The following FAM76B variants were observed in gnomAD, a reference collection of about 807,000 sequenced individuals.
FAM76B encodes protein FAM76B.
A neutral mutation model predicts 51.8 loss-of-function variants in FAM76B; 16 were observed. That is an observed-to-expected ratio of 0.31 (90% confidence interval 0.21 to 0.47). The LOEUF (loss-of-function observed/expected upper bound fraction) is 0.47. FAM76B is among the 20% of genes least tolerant of loss of function. FAM76B has a pLI of 1.00. For missense variants in FAM76B, 342 were observed against 392.6 expected (o/e 0.87, Z 1.09); for synonymous variants, 166 against 129.5 (o/e 1.28, Z -1.91).
chr11:95,788,503 CTT>C lies in FAM76B; in HGVS notation c.146_147del (p.Gln49ArgfsTer5). 2.5e-6 allele frequency: 4 copies of C among 1,611,750 alleles called. No individual in the cohort carries two copies. The highest frequency in any genetic ancestry group is 1.7e-4 in the Middle Eastern group (1 of 6,054). Reference sequence around the variant, plus strand: ...AAAACTATTCAGTATACAAACCTCTCTTGTTGAAATTCTGATCTGCAGTAAGT... The same window carrying C: ...AAAACTATTCAGTATACAAACCTCTCGTTGAAATTCTGATCTGCAGTAAGT... ...KCTYCRSEFQ[Q>X]ESKTNTICKK... On this transcript the variant is annotated frameshift_variant, in exon 2 of 10. Transcript: ENST00000358780. LOFTEE classifies it high-confidence loss of function.
chr11:95,781,148 A>G (rs985957681), intron 5 of FAM76B, among the ~76,000 whole-genome samples: 2 of 151,588 alleles, frequency 1.3e-5, no homozygotes, highest in Non-Finnish European at 2.9e-5. Flanking sequence ...AGCACTAACC[A>G]TATCTCAAAG....
intron 5 of FAM76B, among the ~76,000 whole-genome samples, chr11:95,781,184 T>A (rs558055487): frequency 4.3e-4 from 66 of 151,854 alleles, no homozygotes; most frequent in Non-Finnish European, 8.1e-4. Context: ...TTAATATCAC[T>A]GACAGAAACA....
chr11:95,788,474 G>A lies in FAM76B; in HGVS notation c.152+25C>T, dbSNP rs772413832. ...ATAAAGACAACACTTGTCTTTAACA[G>A]TCAAAAACTATTCAGTATACAAACC... On this transcript the variant is annotated intron_variant, in intron 2 of 9. Coordinates refer to ENST00000358780, the MANE Select transcript of FAM76B (RefSeq NM_144664.5). 4 of 1,558,004 alleles carry A rather than the reference G, an allele frequency of 2.6e-6. No individual in the cohort carries two copies. In the South Asian group the frequency reaches 3.3e-5, roughly 13 times the overall value.
intron 9 of FAM76B, among the ~76,000 whole-genome samples, chr11:95,773,434 A>T (rs1230625142): frequency 6.9e-6 from 1 of 144,170 alleles, no homozygotes; most frequent in Non-Finnish European, 1.5e-5. Flanking sequence ...TTTTATCCTA[A>T]AATTACTTCA....
At position 95,789,754 on chromosome 11, in the gene FAM76B, T is replaced by C. The variant is rs890615498; in HGVS notation, c.-276A>G. On this transcript the variant is annotated 5_prime_UTR_variant, in exon 1 of 10. Coordinates refer to ENST00000358780, the MANE Select transcript of FAM76B (RefSeq NM_144664.5). The stretch of plus-strand genomic sequence containing the variant: ...GGAGGGAGACGAAGCGGGTAGGGGG[T>C]TGCTGTTTAGCTGTGCGGCCGTGGA... The C allele has an allele frequency of 9.2e-6, 4 of 436,238 alleles. No homozygotes were observed. The highest frequency in any genetic ancestry group is 4.1e-5 in the East Asian group (1 of 24,158). The allele number at this position is 436,238 out of a possible 1,614,324, so 27.0% of individuals were successfully genotyped here.
chr11:95,785,611 T>C (rs1860528499), intron 4 of FAM76B, among the ~76,000 whole-genome samples: 1 of 152,162 alleles, frequency 6.6e-6, no homozygotes, highest in African/African-American at 2.4e-5. Flanking sequence ...TCAACTAAAA[T>C]TGATAGGCAA....
intron 4 of FAM76B, among the ~76,000 whole-genome samples, chr11:95,785,559 G>A (rs1455513034): frequency 6.6e-6 from 1 of 152,196 alleles, no homozygotes; most frequent in East Asian, 1.9e-4. Flanking sequence ...TTGCTGTGGG[G>A]AGACCTGAGG....
chr11:95,779,520 T>C, intron 7 of FAM76B, 87 bp downstream of exon 7: 3 of 1,127,690 alleles, frequency 2.7e-6, no homozygotes, highest in Non-Finnish European at 3.8e-6. Flanking sequence ...TACATGTTTC[T>C]ATTTTTTTAT....
In FAM76B at chr11:95,789,097, CAT is replaced by C. The variant is rs1860805770; in HGVS notation, c.87+293_87+294del. 62 of 1,403,790 alleles carry C rather than the reference CAT, an allele frequency of 4.4e-5. 1 individual carries two copies. The South Asian group carries it at 7.6e-4, about 17-fold the overall frequency. The allele number at this position is 1,403,790 out of a possible 1,614,324, so 87.0% of individuals were successfully genotyped here. ...CATCTCCACCCCTGGGTCTCTGCGG[CAT>C]AGACAGGTGGCTGCCTCACTCAACC... On this transcript the variant is annotated intron_variant, in intron 1 of 9. Coordinates refer to ENST00000358780, the MANE Select transcript of FAM76B (RefSeq NM_144664.5).
chr11:95,789,743 CG>C lies in FAM76B; in HGVS notation c.-266del, dbSNP rs1304516719. The C allele has an allele frequency of 2.2e-6, 1 of 460,578 alleles. No homozygotes were observed. The highest frequency in any genetic ancestry group is 2.1e-5 in the African/African-American group (1 of 47,932). 28.5% of individuals were successfully genotyped at this position (460,578 alleles called of 1,614,324 possible). A position where few individuals can be genotyped will look rare whatever the true frequency, so the allele number is the denominator to read the frequency against. ...CCGATAGCGGCGGAGGGAGACGAAG[CG>C]GGTAGGGGGTTGCTGTTTAGCTGTG... On this transcript the variant is annotated 5_prime_UTR_variant, in exon 1 of 10. Transcript: ENST00000358780.
intron 5 of FAM76B, among the ~76,000 whole-genome samples, chr11:95,780,564 CTAA>C (rs1374178888): frequency 6.6e-6 from 1 of 151,900 alleles, no homozygotes; most frequent in Non-Finnish European, 1.5e-5. Flanking sequence ...TACCCTAATA[CTAA>C]TAATCACTTT....
At chr11:95,774,379 G>C (rs867441510) in intron 9 of FAM76B, among the ~76,000 whole-genome samples, 26 of 151,360 alleles carry the variant, frequency 1.7e-4, no homozygotes, top group African/African-American at 6.3e-4. Flanking sequence ...ACCAAGAGGA[G>C]GTAGGCCTAA....
At chr11:95,773,380 A>G (rs928386925) in intron 9 of FAM76B, among the ~76,000 whole-genome samples, 1 of 150,802 alleles carries the variant, frequency 6.6e-6, no homozygotes, top group African/African-American at 2.4e-5. Flanking sequence ...AATACTTTAA[A>G]AATGAATTTT....
At chr11:95,780,210 G>C (rs1860195254) in intron 5 of FAM76B, among the ~76,000 whole-genome samples, 1 of 151,874 alleles carries the variant, frequency 6.6e-6, no homozygotes, top group Non-Finnish European at 1.5e-5. Flanking sequence ...GGTTACACAA[G>C]TAGTTTTCGT....
intron 9 of FAM76B, among the ~76,000 whole-genome samples, chr11:95,775,626 T>C (rs1859967619): frequency 6.6e-6 from 1 of 150,428 alleles, no homozygotes; most frequent in South Asian, 2.1e-4. Context: ...TTTTAATTTT[T>C]TGCTATAAGC....
At chr11:95,788,915 G>A (rs1289309198) in intron 1 of FAM76B, 1 of 1,353,164 alleles carries the variant, frequency 7.4e-7, no homozygotes, top group Non-Finnish European at 9.7e-7. Context: ...CCAAATCAGA[G>A]CATTCTGTTC....
Position 95,770,446 on chromosome 11 carries a change from C to A in FAM76B, c.*1115G>T, listed in dbSNP as rs1409066086. The A allele has an allele frequency of 2.0e-5, 3 of 151,636 alleles. No individual in the cohort carries two copies. Among genetic ancestry groups the A allele is most frequent in the East Asian group, 1.9e-4 (1 of 5,160 alleles). 9.4% of individuals were successfully genotyped at this position (151,636 alleles called of 1,614,324 possible). On this transcript the variant is annotated 3_prime_UTR_variant, in exon 10 of 10. Coordinates refer to ENST00000358780, the MANE Select transcript of FAM76B (RefSeq NM_144664.5). The stretch of plus-strand genomic sequence containing the variant: ...ATAAATATTAACTTAGATAACCACA[C>A]ATAGGGAAAGCAGATACATGGATCA...
intron 8 of FAM76B, among the ~76,000 whole-genome samples, chr11:95,778,013 A>ATCAAAACC (rs1860088493): frequency 6.6e-6 from 1 of 151,452 alleles, no homozygotes; most frequent in Non-Finnish European, 1.5e-5. Context: ...TTCATTAATC[A>ATCAAAACC]TCAAAACCAT....
At position 95,771,452 on chromosome 11, in the gene FAM76B, T is replaced by G. The variant is rs1163417551; in HGVS notation, c.*109A>C. On this transcript the variant is annotated 3_prime_UTR_variant, in exon 10 of 10. Transcript: ENST00000358780. ...AAAAGTGAACAGGAAACACACCAAT[T>G]CATTTGGTGTGCAAAAATATTTTTC... 2 of 689,310 alleles carry G rather than the reference T, an allele frequency of 2.9e-6. No individual in the cohort carries two copies. Among genetic ancestry groups the G allele is most frequent in the Non-Finnish European group, 4.8e-6 (2 of 413,362 alleles). The allele number at this position is 689,310 out of a possible 1,614,324, so 42.7% of individuals were successfully genotyped here.
Sources: gnomAD v4.1 joint callset for allele counts (sites outside exome capture counted in the v4.1 genomes callset) on GRCh38, gnomAD v4.1.1 for gene constraint, MANE v1.5 for transcripts, NCBI Gene and HGNC (gene_info 2026-07-23, HGNC 2026-07-21) for gene names.